The following PSMC1 variants were observed in gnomAD, a reference collection of about 807,000 sequenced individuals.
The protein encoded by PSMC1 is proteasome 26S subunit, ATPase 1.
PSMC1 carries 5 observed loss-of-function variants against 49.8 expected under a neutral mutation model. That is an observed-to-expected ratio of 0.10 (90% CI 0.05 to 0.21). PSMC1 has a LOEUF of 0.21. Ranked by LOEUF, PSMC1 falls within the 10% of genes least tolerant of loss-of-function variation. The pLI, the probability that PSMC1 is intolerant of heterozygous loss-of-function variation, is 1.00. For missense variants in PSMC1, 181 were observed against 535.7 expected, an observed-to-expected ratio of 0.34 and a Z score of 6.54; for synonymous variants, 155 against 192.1, an observed-to-expected ratio of 0.81 and a Z score of 1.60.
intron 6 of PSMC1, among the ~76,000 whole-genome samples, chr14:90,264,523 C>A (rs1452926120): frequency 6.6e-6 from 1 of 152,218 alleles, no homozygotes; most frequent in Non-Finnish European, 1.5e-5. Flanking sequence ...CACATTTAGA[C>A]AGCAGTGGGG....
rs747504607 is a variant in PSMC1, at chr14:90,260,095, TG to T, written c.58-19del. The T allele has an allele frequency of 1.9e-5, 27 of 1,410,388 alleles. No individual in the cohort carries two copies. In the South Asian group the frequency reaches 3.0e-4, roughly 16 times the overall value. The allele number at this position is 1,410,388 out of a possible 1,614,324, so 87.4% of individuals were successfully genotyped here. A position where few individuals can be genotyped will look rare whatever the true frequency, so the allele number is the denominator to read the frequency against. On this transcript the variant is annotated intron_variant, in intron 2 of 10. Transcript: ENST00000261303. ...TGATTTTCATGTGATTTTTTTTTCC[TG>T]CTATTCTAACAACTCAAGGACAAGA...
intron 1 of PSMC1, 69 bp from the exon 2 acceptor site, chr14:90,259,091 A>G: frequency 1.4e-6 from 2 of 1,459,590 alleles, no homozygotes; most frequent in Non-Finnish European, 1.9e-6. Context: ...CTCACAGGAC[A>G]GTATAAAGTT....
chr14:90,261,976 A>G (rs1335602012), intron 3 of PSMC1, among the ~76,000 whole-genome samples: 3 of 152,044 alleles, frequency 2.0e-5, no homozygotes, highest in Admixed American at 6.6e-5. Flanking sequence ...GCCATAAAAA[A>G]GGATGAGTTC....
chr14:90,262,951 A>G (rs769206846), intron 3 of PSMC1, among the ~76,000 whole-genome samples: 1 of 152,244 alleles, frequency 6.6e-6, no homozygotes, highest in Admixed American at 6.5e-5. Flanking sequence ...GCCAGCATAC[A>G]ACAGTGTATA....
chr14:90,259,627 C>T (rs560830385), intron 2 of PSMC1, among the ~76,000 whole-genome samples: 3 of 110,620 alleles, frequency 2.7e-5, no homozygotes, highest in Admixed American at 1.0e-4. Context: ...CATTTATTTT[C>T]ATTTGTTATT....
Position 90,259,627 on chromosome 14 carries a change from C to A in PSMC1, c.57+414C>A, listed in dbSNP as rs560830385. Among the ~76,000 whole-genome samples the A allele has an allele frequency of 3.6e-5, 4 of 110,710 alleles. No individual in the cohort carries two copies. The East Asian group carries it at 9.8e-4, about 27-fold the overall frequency. 72.6% of individuals were successfully genotyped at this position (110,710 alleles called of 152,430 possible). A position where few individuals can be genotyped will look rare whatever the true frequency, so the allele number is the denominator to read the frequency against. On this transcript the variant is annotated intron_variant, in intron 2 of 10. Transcript: ENST00000261303. ...ATGGTAAAACGATTACATTTATTTT[C>A]ATTTGTTATTATTATTATTATTGAG...
rs1290592011 is a variant in PSMC1, at chr14:90,270,308, G to A, written c.1144G>A (p.Asp382Asn). 11 of 1,613,558 alleles carry A rather than the reference G, an allele frequency of 6.8e-6. No homozygotes were observed. The highest frequency in any genetic ancestry group is 4.5e-5 in the East Asian group (2 of 44,832). ...GCTGGCTGATGATGTAACCCTGGACGACCTGATCATGGCTAAAGATGACCT... is the reference window on the plus strand; with the variant it reads ...GCTGGCTGATGATGTAACCCTGGACAACCTGATCATGGCTAAAGATGACCT... ...MTLADDVTLDDLIMAKDDLSG... is the reference protein window; with the variant it reads ...MTLADDVTLDNLIMAKDDLSG... The change falls in exon 10 of 11, where the codon GAC becomes AAC. Residue 382 changes from aspartate (D) to asparagine (N), a missense_variant. Physicochemically the swap from Asp to Asn is conservative, Grantham distance 23. This residue lies in a region of PSMC1 where 60 missense variants were observed against 155.5 expected (regional missense o/e 0.39). Coordinates refer to ENST00000261303, the MANE Select transcript of PSMC1 (RefSeq NM_002802.3).
chr14:90,260,485 A>G (rs1891376236), intron 3 of PSMC1, among the ~76,000 whole-genome samples: 1 of 152,202 alleles, frequency 6.6e-6, no homozygotes, highest in East Asian at 1.9e-4. Context: ...TAATCCCAGC[A>G]CTTTGGGAGG....
intron 7 of PSMC1, among the ~76,000 whole-genome samples, chr14:90,265,874 A>C (rs558241628): frequency 6.6e-6 from 1 of 151,700 alleles, no homozygotes; most frequent in Admixed American, 6.6e-5. Context: ...AAGAAAAAAA[A>C]AACTGATGCC....
intron 6 of PSMC1, among the ~76,000 whole-genome samples, chr14:90,264,599 T>C (rs2282031): frequency 0.32 from 48,694 of 152,106 alleles, 8,208 homozygotes; most frequent in Middle Eastern, 0.48. Context: ...CATATGGTCA[T>C]TGAGGATGGC....
intron 6 of PSMC1, 122 bp from the exon 7 acceptor site, chr14:90,264,948 C>A: frequency 1.3e-6 from 1 of 753,830 alleles, no homozygotes; most frequent in Non-Finnish European, 2.2e-6. Flanking sequence ...AGCACATTGT[C>A]TCTAAGAAGA....
At chr14:90,259,629 TTTG>T (rs971958560) in intron 2 of PSMC1, among the ~76,000 whole-genome samples, 1 of 103,244 alleles carries the variant, frequency 9.7e-6, no homozygotes, top group Admixed American at 1.1e-4. Context: ...TTTATTTTCA[TTTG>T]TTATTATTAT....
chr14:90,258,156 C>T (rs1891331801), intron 1 of PSMC1, among the ~76,000 whole-genome samples: 1 of 152,140 alleles, frequency 6.6e-6, no homozygotes, highest in Non-Finnish European at 1.5e-5. Flanking sequence ...AGCTTTGTGA[C>T]AACAGGCAAG....
chr14:90,268,008 T>A, intron 7 of PSMC1: 1 of 437,674 alleles, frequency 2.3e-6, no homozygotes, highest in South Asian at 5.6e-5. Flanking sequence ...TTCAGCAAAA[T>A]AGCTAAGGAT....
At chr14:90,267,724 C>CA (rs1891554390) in intron 7 of PSMC1, 1 of 153,432 alleles carries the variant, frequency 6.5e-6, no homozygotes, top group Non-Finnish European at 1.4e-5. Flanking sequence ...TCCTTAGGGC[C>CA]AAAGCTAGGA....
chr14:90,269,588 T>G lies in PSMC1; in HGVS notation c.1033+40T>G, dbSNP rs748138013. 6.9e-6 allele frequency: 11 copies of G among 1,597,234 alleles called. No individual in the cohort carries two copies. The South Asian group carries it at 1.2e-4, about 18-fold the overall frequency. On this transcript the variant is annotated intron_variant, in intron 9 of 10. Coordinates refer to ENST00000261303, the MANE Select transcript of PSMC1 (RefSeq NM_002802.3). The stretch of plus-strand genomic sequence containing the variant: ...GGTTTCATCATGGAGATTAATGTGT[T>G]TATATATTTGTGTTTAAGTGTGCTT...
intron 6 of PSMC1, 122 bp from the exon 7 acceptor site, chr14:90,264,948 C>G: frequency 1.3e-6 from 1 of 753,830 alleles, no homozygotes; most frequent in Middle Eastern, 3.6e-4. Flanking sequence ...AGCACATTGT[C>G]TCTAAGAAGA....
At chr14:90,259,469 T>G (rs746655254) in intron 2 of PSMC1, among the ~76,000 whole-genome samples, 1 of 152,228 alleles carries the variant, frequency 6.6e-6, no homozygotes, top group Non-Finnish European at 1.5e-5. Flanking sequence ...TTAAAGTAAA[T>G]TGCCTATAAT....
chr14:90,271,576 A>C (rs1195112228), intron 10 of PSMC1: 3 of 152,224 alleles, frequency 2.0e-5, no homozygotes, highest in African/African-American at 7.2e-5. Flanking sequence ...TTTTATGACT[A>C]TAAGTAAATG....
Sources: gnomAD v4.1 joint callset for allele counts (sites outside exome capture counted in the v4.1 genomes callset) on GRCh38, gnomAD v4.1.1 for gene constraint, gnomAD v4.1.1 regional missense constraint, MANE v1.5 for transcripts, NCBI Gene and HGNC (gene_info 2026-07-23, HGNC 2026-07-21) for gene names.